Variants in PSIP1 observed in about 807,000 individuals in gnomAD.
PSIP1 encodes PC4 and SFRS1-interacting protein.
In PSIP1, 19 loss-of-function variants were observed where a neutral mutation model predicts 74.7. That is an observed-to-expected ratio of 0.25 (90% CI 0.18 to 0.37). PSIP1 has a LOEUF of 0.37. Among genes scored for constraint, PSIP1 ranks in the 10% least tolerant of loss-of-function variants. The probability of loss-of-function intolerance (pLI) is 1.00; values close to 1 mark genes in which losing one functional copy is unlikely to be tolerated. For synonymous variants in PSIP1, 222 were observed against 195.3 expected (o/e 1.14, Z -1.14); for missense variants, 601 against 614.3 (o/e 0.98, Z 0.23).
Position 15,474,220 on chromosome 9 carries a change from T to C in PSIP1, c.647A>G (p.Lys216Arg). Residue 216 changes from lysine to arginine, a missense_variant, in exon 9 of 16, where the codon AAA (lysine) becomes AGA (arginine). Coordinates refer to ENST00000380733, the MANE Select transcript of PSIP1 (RefSeq NM_033222.5). The stretch of plus-strand genomic sequence containing the variant: ...TTCCTCTTGCCCCTTTTTCTTACTT[T>C]TGTCCTCTTCAGTAATGCTATTTTA... Reference protein sequence around the residue: ...SESDIITEEDKSKKKGQEEKQ... With the variant: ...SESDIITEEDRSKKKGQEEKQ... 6.2e-7 allele frequency: 1 copy of C among 1,611,380 alleles called. No homozygotes were observed. The highest frequency in any genetic ancestry group is 8.5e-7 in the Non-Finnish European group (1 of 1,179,360).
At chr9:15,509,490 A>C (rs1003783248) in intron 2 of PSIP1, among the ~76,000 whole-genome samples, 2 of 152,230 alleles carry the variant, frequency 1.3e-5, no homozygotes, top group Non-Finnish European at 2.9e-5. Flanking sequence ...TATTGGAAAC[A>C]AAAAGGTAAA....
rs2035542119 is a variant in PSIP1, at chr9:15,465,314, T to A, written c.*206A>T. The A allele has an allele frequency of 4.2e-6, 2 of 476,804 alleles. No homozygotes were observed. Among genetic ancestry groups the A allele is most frequent in the Non-Finnish European group, 3.6e-6 (1 of 274,730 alleles). The allele number at this position is 476,804 out of a possible 1,614,324, so 29.5% of individuals were successfully genotyped here. ...TTTTCTAAATGGATTTTATCCCACA[T>A]TTACTGTATAATGTAGCTGTTAATA... On this transcript the variant is annotated 3_prime_UTR_variant, in exon 16 of 16. Coordinates refer to ENST00000380733, the MANE Select transcript of PSIP1 (RefSeq NM_033222.5).
chr9:15,480,745 A>C (rs1423301552), intron 6 of PSIP1, among the ~76,000 whole-genome samples: 1 of 152,168 alleles, frequency 6.6e-6, no homozygotes, highest in Non-Finnish European at 1.5e-5. Flanking sequence ...AACACGATGA[A>C]ACCCTTTCTC....
At chr9:15,486,960 A>T (rs2737828) in intron 4 of PSIP1, 29 bp from the exon 5 acceptor site, 1,292,414 of 1,416,930 alleles carry the variant, frequency 0.91, 590,909 homozygotes, top group African/African-American at 0.98. Flanking sequence ...ATTAATTTCA[A>T]AAAATAAGTT....
Position 15,507,035 on chromosome 9 carries a change from C to G in PSIP1, c.73-398G>C, listed in dbSNP as rs1406481064. Among the ~76,000 whole-genome samples, 6 of 152,264 alleles carry G rather than the reference C, an allele frequency of 3.9e-5. No individual in the cohort carries two copies. The East Asian group carries it at 1.2e-3, about 29-fold the overall frequency. ...TATCATTTCAGGTAAGGAGTCTGAA[C>G]CTATTTGACAACCCTAAATGTTAGT... is the stretch of plus-strand genomic sequence containing the variant. On this transcript the variant is annotated intron_variant, in intron 2 of 15. Transcript: ENST00000380733.
chr9:15,485,361 C>T (rs1251635756), intron 6 of PSIP1, among the ~76,000 whole-genome samples: 3 of 152,164 alleles, frequency 2.0e-5, no homozygotes, highest in Admixed American at 6.5e-5. Context: ...CACACCACTT[C>T]CAACCCATAC....
At chr9:15,470,934 T>TAAAAAAAAAAAAAAAAAAAAAAAAAAGA (rs58019501) in intron 10 of PSIP1, 1 of 650,856 alleles carries the variant, frequency 1.5e-6, no homozygotes, top group Non-Finnish European at 1.9e-6. Flanking sequence ...TAAGCTTGGT[T>TAAAAAAAAAAAAAAAAAAAAAAAAAAGA]AAAAAAAAAA....
Position 15,510,945 on chromosome 9 carries a change from G to C in PSIP1, c.-270C>G, listed in dbSNP as rs1331810166. ...GGCTCGGAATCGCAACCGCGCCGCC[G>C]CTGCCGCCGCCGTAGCTGCGCTGCT... On this transcript the variant is annotated 5_prime_UTR_variant, in exon 1 of 16. Coordinates refer to ENST00000380733, the MANE Select transcript of PSIP1 (RefSeq NM_033222.5). 1 of 153,326 alleles carries C rather than the reference G, an allele frequency of 6.5e-6. No individual in the cohort carries two copies. Among genetic ancestry groups the C allele is most frequent in the Non-Finnish European group, 1.5e-5 (1 of 68,682 alleles). 9.5% of individuals were successfully genotyped at this position (153,326 alleles called of 1,614,324 possible).
rs192059384 is a variant in PSIP1 at position 15,464,731 on chromosome 9, G to A, written c.*789C>T. The A allele has an allele frequency of 2.6e-4, 52 of 203,540 alleles. No homozygotes were observed. In the East Asian group the frequency reaches 4.0e-3, roughly 16 times the overall value. 12.6% of individuals were successfully genotyped at this position (203,540 alleles called of 1,614,324 possible). A position where few individuals can be genotyped will look rare whatever the true frequency, so the allele number is the denominator to read the frequency against. On this transcript the variant is annotated 3_prime_UTR_variant, in exon 16 of 16. Coordinates refer to ENST00000380733, the MANE Select transcript of PSIP1 (RefSeq NM_033222.5). The stretch of plus-strand genomic sequence containing the variant: ...TTAGTTTTCAGTTTTAGTTACTAGT[G>A]CCTGCCTATAAAAGGACCTTAAATG...
intron 9 of PSIP1, 105 bp downstream of exon 9, chr9:15,473,904 C>CA (rs372363481): frequency 0.022 from 13,737 of 635,616 alleles, 21 homozygotes; most frequent in East Asian, 0.029. Flanking sequence ...CCATCTCAAA[C>CA]AAAAAAAAAA....
intron 3 of PSIP1, among the ~76,000 whole-genome samples, chr9:15,501,525 GAGATA>G (rs1343480384): frequency 6.6e-6 from 1 of 152,102 alleles, no homozygotes; most frequent in Non-Finnish European, 1.5e-5. Context: ...CAAAAGACCT[GAGATA>G]AGATGAGGCT....
Position 15,478,538 on chromosome 9 carries a change from TCTTGA to T in PSIP1, c.563_567del (p.Val188AspfsTer20). On this transcript the variant is annotated frameshift_variant, in exon 8 of 16. Coordinates refer to ENST00000380733, the MANE Select transcript of PSIP1 (RefSeq NM_033222.5). LOFTEE classifies it high-confidence loss of function. ...TTGGGTCTGCCTCTTGGTTTTGGAATCTTGACTTCTGTAGCTAATATACACATGGA... is the reference window on the plus strand; with the variant it reads ...TTGGGTCTGCCTCTTGGTTTTGGAATCTTCTGTAGCTAATATACACATGGA... The T allele has an allele frequency of 6.2e-7, 1 of 1,600,954 alleles. No individual in the cohort carries two copies. The highest frequency in any genetic ancestry group is 8.6e-7 in the Non-Finnish European group (1 of 1,168,420).
At chr9:15,469,244 T>C in intron 12 of PSIP1, 22 bp downstream of exon 12, 1 of 1,447,274 alleles carries the variant, frequency 6.9e-7, no homozygotes. Flanking sequence ...TACTGAAGTA[T>C]TAAATGAAGT....
At chr9:15,486,805 T>C (rs754346517) in intron 5 of PSIP1, 22 bp downstream of exon 5, 2 of 1,528,572 alleles carry the variant, frequency 1.3e-6, no homozygotes, top group South Asian at 2.3e-5. Context: ...GGGTTTAAAA[T>C]GTTAGGAGAA....
intron 10 of PSIP1, chr9:15,471,660 C>A: frequency 1.1e-5 from 10 of 929,878 alleles, no homozygotes; most frequent in Non-Finnish European, 1.3e-5. Context: ...ATTTAAATTA[C>A]TCCCTCAAGG....
chr9:15,509,695 A>C (rs533573325), intron 2 of PSIP1, among the ~76,000 whole-genome samples: 4 of 152,216 alleles, frequency 2.6e-5, no homozygotes, highest in African/African-American at 7.2e-5. Flanking sequence ...TTAATCACAT[A>C]CGCACTTCTC....
At chr9:15,466,725 AC>A (rs1262316911) in intron 15 of PSIP1, 22 bp downstream of exon 15, 3 of 1,549,416 alleles carry the variant, frequency 1.9e-6, no homozygotes, top group Non-Finnish European at 2.7e-6. Context: ...AACACACAAG[AC>A]CCATTAAAAC....
intron 3 of PSIP1, among the ~76,000 whole-genome samples, chr9:15,503,616 C>T (rs946819536): frequency 4.0e-5 from 6 of 151,324 alleles, no homozygotes; most frequent in African/African-American, 9.7e-5. Context: ...CAACTATGAT[C>T]GCCGCTGTGT....
intron 10 of PSIP1, chr9:15,471,907 C>T (rs529817784): frequency 7.1e-6 from 7 of 982,540 alleles, no homozygotes; most frequent in East Asian, 1.1e-4. Context: ...AGACGCTTCA[C>T]GAGAAAAGAA....
Sources: allele counts gnomAD v4.1 joint callset (sites outside exome capture counted in the v4.1 genomes callset), GRCh38; gene constraint gnomAD v4.1.1; transcripts MANE v1.5; gene names NCBI Gene and HGNC (gene_info 2026-07-23, HGNC 2026-07-21).